The following SLC8A1 variants were observed in gnomAD, a reference collection of about 807,000 sequenced individuals.
SLC8A1 encodes solute carrier family 8 member A1.
In SLC8A1, 18 loss-of-function variants were observed where a neutral mutation model predicts 68.3. That is an observed-to-expected ratio of 0.26 (90% CI 0.18 to 0.39). The LOEUF is 0.39. Ranked by LOEUF, SLC8A1 falls within the 10% of genes least tolerant of loss-of-function variation. The pLI is 1.00. For synonymous variants in SLC8A1, 475 were observed against 415.5 expected, an observed-to-expected ratio of 1.14 and a Z score of -1.74; for missense variants, 985 against 1,156.7, an observed-to-expected ratio of 0.85 and a Z score of 2.15.
intron 2 of SLC8A1, among the ~76,000 whole-genome samples, chr2:40,342,810 A>T (rs1270266606): frequency 6.6e-6 from 1 of 152,172 alleles, no homozygotes; most frequent in Non-Finnish European, 1.5e-5. Flanking sequence ...GGTTGTTACT[A>T]AACAGATCAC....
intron 2 of SLC8A1, among the ~76,000 whole-genome samples, chr2:40,220,594 A>G (rs747021314): frequency 6.1e-4 from 93 of 152,186 alleles, no homozygotes; most frequent in Non-Finnish European, 4.7e-4. Flanking sequence ...AAAAGCACTC[A>G]GCTATTAATT....
At chr2:40,345,842 C>T (rs1344277736) in intron 2 of SLC8A1, among the ~76,000 whole-genome samples, 3 of 151,808 alleles carry the variant, frequency 2.0e-5, no homozygotes, top group Non-Finnish European at 4.4e-5. Flanking sequence ...TGGGCCCTGT[C>T]GGGCGGTGGA....
At chr2:40,462,001 C>CTTTTTTTTTTTTTTTTTGTTTTTTTTT (rs1703370063) in intron 1 of SLC8A1, among the ~76,000 whole-genome samples, 1 of 66,176 alleles carries the variant, frequency 1.5e-5, no homozygotes, top group Non-Finnish European at 2.9e-5. Context: ...TAAAATCCTC[C>CTTTTTTTTTTTTTTTTTGTTTTTTTTT]TTTTTTTTTT....
intron 1 of SLC8A1, among the ~76,000 whole-genome samples, chr2:40,473,768 A>G (rs1704126551): frequency 6.6e-6 from 1 of 152,236 alleles, no homozygotes; most frequent in South Asian, 2.1e-4. Context: ...ATAGAAATAT[A>G]TAGACTTTTC....
chr2:40,423,551 G>GA (rs1194866535), intron 2 of SLC8A1, among the ~76,000 whole-genome samples: 4 of 151,956 alleles, frequency 2.6e-5, no homozygotes, highest in Admixed American at 6.6e-5. Context: ...TAATGGCCTT[G>GA]AATGATGACT....
intron 2 of SLC8A1, among the ~76,000 whole-genome samples, chr2:40,286,010 G>A (rs915926869): frequency 6.6e-6 from 1 of 152,078 alleles, no homozygotes; most frequent in East Asian, 1.9e-4. Flanking sequence ...TAGGACCAGG[G>A]CAAGTGCTCC....
intron 2 of SLC8A1, among the ~76,000 whole-genome samples, chr2:40,291,802 T>C (rs577752356): frequency 2.0e-5 from 3 of 152,254 alleles, no homozygotes; most frequent in Admixed American, 2.0e-4. Flanking sequence ...TTTTATCATA[T>C]TTTCATTAGA....
intron 1 of SLC8A1, among the ~76,000 whole-genome samples, chr2:40,458,298 A>T (rs144639051): frequency 6.6e-6 from 1 of 152,302 alleles, no homozygotes; most frequent in African/African-American, 2.4e-5. Flanking sequence ...CAGGTAATGT[A>T]ATTCACCTGA....
chr2:40,174,696 TA>T lies in SLC8A1; in HGVS notation c.1930+128del. On this transcript the variant is annotated intron_variant, in intron 4 of 7. Coordinates refer to ENST00000406785, the Ensembl canonical transcript of SLC8A1. The stretch of plus-strand genomic sequence containing the variant: ...GGAAAAATAAGGAACATTAAAAAAA[TA>T]AGTCTTACCAAACAGGTATTTTCCT... 6.6e-7 allele frequency: 1 copy of T among 1,508,642 alleles called. No homozygotes were observed. Among genetic ancestry groups the T allele is most frequent in the East Asian group, 2.3e-5 (1 of 44,300 alleles). The allele number at this position is 1,508,642 out of a possible 1,614,324, so 93.5% of individuals were successfully genotyped here.
chr2:40,410,606 A>G (rs1042054509), intron 2 of SLC8A1, among the ~76,000 whole-genome samples: 48 of 152,238 alleles, frequency 3.2e-4, no homozygotes, highest in African/African-American at 1.1e-3. Context: ...AATGTTTTAC[A>G]TGTATAACAT....
intron 2 of SLC8A1, among the ~76,000 whole-genome samples, chr2:40,357,588 G>C (rs11900629): frequency 6.6e-6 from 1 of 150,722 alleles, no homozygotes; most frequent in Non-Finnish European, 1.5e-5. Flanking sequence ...ACCTAATGTA[G>C]ACGACAGGTT....
At chr2:40,383,458 C>A (rs1342137263) in intron 2 of SLC8A1, among the ~76,000 whole-genome samples, 1 of 151,968 alleles carries the variant, frequency 6.6e-6, no homozygotes, top group African/African-American at 2.4e-5. Flanking sequence ...TGGTAGAGAG[C>A]ATCACTCAAG....
At chr2:40,253,006 T>C (rs1213734094) in intron 2 of SLC8A1, among the ~76,000 whole-genome samples, 1 of 132,234 alleles carries the variant, frequency 7.6e-6, no homozygotes, top group Admixed American at 8.1e-5. Context: ...TATACATATA[T>C]ATGTATCTGT....
rs776635547 is a variant in SLC8A1, at chr2:40,178,354, C to A, written c.1809-499G>T. On this transcript the variant is annotated intron_variant, in intron 2 of 7. Coordinates refer to ENST00000406785, the Ensembl canonical transcript of SLC8A1. Reference sequence around the variant, plus strand: ...CAGGGGTGGCACAGGCCAGCAGAAGCTGTTGGGCTCAGCCCTGGAGCAGCT... The same window carrying A: ...CAGGGGTGGCACAGGCCAGCAGAAGATGTTGGGCTCAGCCCTGGAGCAGCT... The A allele has an allele frequency of 2.6e-6, 4 of 1,551,478 alleles. No homozygotes were observed. In the South Asian group the frequency reaches 4.5e-5, roughly 17 times the overall value.
chr2:40,426,744 G>A (rs541957303), intron 2 of SLC8A1, among the ~76,000 whole-genome samples: 12 of 152,022 alleles, frequency 7.9e-5, no homozygotes, highest in African/African-American at 2.9e-4. Flanking sequence ...TTCATTTAAC[G>A]ACATGAAATA....
intron 2 of SLC8A1, among the ~76,000 whole-genome samples, chr2:40,250,753 C>T (rs1267836387): frequency 6.6e-6 from 1 of 152,120 alleles, no homozygotes. Flanking sequence ...GCCTTGTGTT[C>T]CACTGGTTTA....
chr2:40,122,692 TCA>T (rs2037184931), intron 7 of SLC8A1, among the ~76,000 whole-genome samples: 3 of 152,180 alleles, frequency 2.0e-5, no homozygotes, highest in Admixed American at 2.0e-4. Context: ...AACTGACCAC[TCA>T]CAGCCCTGGT....
chr2:40,263,601 G>A (rs1437567315), intron 2 of SLC8A1, among the ~76,000 whole-genome samples: 2 of 152,138 alleles, frequency 1.3e-5, no homozygotes, highest in African/African-American at 4.8e-5. Context: ...AAGAAAAGGG[G>A]AAAGGACTCC....
Position 40,107,303 on chromosome 2 carries a change from A to T in SLC8A1, c.*7950T>A, listed in dbSNP as rs1453101592. On this transcript the variant is annotated 3_prime_UTR_variant, in exon 8 of 8. Transcript: ENST00000406785. ...TCAAAAAAAAAAAAAAAAAAAAGAA[A>T]ATGCCGATTAACAACAGGCATGGGA... The T allele has an allele frequency of 4.0e-5, 6 of 149,610 alleles. No homozygotes were observed. The East Asian group carries it at 1.2e-3, about 29-fold the overall frequency. 9.3% of individuals were successfully genotyped at this position (149,610 alleles called of 1,614,324 possible).
Sources: gnomAD v4.1 joint callset for allele counts (sites outside exome capture counted in the v4.1 genomes callset) on GRCh38, gnomAD v4.1.1 for gene constraint, MANE v1.5 for transcripts, NCBI Gene and HGNC (gene_info 2026-07-23, HGNC 2026-07-21) for gene names.